The following DCC variants were observed in gnomAD, a reference collection of about 807,000 sequenced individuals.
DCC encodes the protein DCC netrin 1 receptor.
DCC carries 58 observed loss-of-function variants against 172.5 expected under a neutral mutation model. The observed-to-expected ratio is 0.34, with a 90% CI of 0.27 to 0.42. The LOEUF is 0.42. Among genes scored for constraint, DCC ranks in the 10% least tolerant of loss-of-function variants. DCC has a pLI of 1.00. For missense variants in DCC, 1,740 were observed against 1,791.0 expected, an observed-to-expected ratio of 0.97 and a Z score of 0.51; for synonymous variants, 709 against 644.5, an observed-to-expected ratio of 1.10 and a Z score of -1.52.
chr18:53,364,444 A>G (rs1479298053), intron 15 of DCC, among the ~76,000 whole-genome samples: 1 of 152,042 alleles, frequency 6.6e-6, no homozygotes, highest in Non-Finnish European at 1.5e-5. Context: ...GCAAATTTTT[A>G]TGGATTTTCT....
chr18:52,386,089 G>A (rs948408545), intron 1 of DCC, among the ~76,000 whole-genome samples: 1 of 152,042 alleles, frequency 6.6e-6, no homozygotes, highest in African/African-American at 2.4e-5. Context: ...CATAAGGTCA[G>A]AACTCAATAT....
intron 1 of DCC, among the ~76,000 whole-genome samples, chr18:52,714,387 CAA>C (rs1321532233): frequency 6.6e-6 from 1 of 152,096 alleles, no homozygotes; most frequent in Non-Finnish European, 1.5e-5. Flanking sequence ...GACAAAGCAA[CAA>C]GAGAGCAAGA....
chr18:52,896,623 G>A (rs960842702), intron 2 of DCC, among the ~76,000 whole-genome samples: 2 of 152,124 alleles, frequency 1.3e-5, no homozygotes, highest in Non-Finnish European at 2.9e-5. Flanking sequence ...CTTGTGCTCA[G>A]AATAGATATT....
chr18:53,339,201 A>G (rs1048014133), intron 14 of DCC, among the ~76,000 whole-genome samples: 10 of 152,296 alleles, frequency 6.6e-5, no homozygotes, highest in African/African-American at 2.4e-4. Flanking sequence ...GATTTAATAA[A>G]CCATGAATCA....
intron 2 of DCC, among the ~76,000 whole-genome samples, chr18:52,838,379 T>C (rs981794985): frequency 2.0e-5 from 3 of 152,182 alleles, no homozygotes; most frequent in African/African-American, 7.2e-5. Flanking sequence ...TTCTGGTGAC[T>C]AACAGATTTT....
At chr18:52,670,738 A>T (rs929720556) in intron 1 of DCC, among the ~76,000 whole-genome samples, 2 of 152,006 alleles carry the variant, frequency 1.3e-5, no homozygotes, top group Non-Finnish European at 2.9e-5. Flanking sequence ...TATTTGGGAG[A>T]CTGAGGCAGG....
At chr18:52,586,698 C>T (rs1405429431) in intron 1 of DCC, among the ~76,000 whole-genome samples, 1 of 152,076 alleles carries the variant, frequency 6.6e-6, no homozygotes, top group East Asian at 1.9e-4. Context: ...ATTCCTCGAC[C>T]CTGAATTCTG....
chr18:52,859,362 A>T (rs979032055), intron 2 of DCC, among the ~76,000 whole-genome samples: 1 of 152,210 alleles, frequency 6.6e-6, no homozygotes, highest in African/African-American at 2.4e-5. Flanking sequence ...ATTCATTGAA[A>T]AAAAGGCATA....
chr18:52,988,706 TAAG>T (rs1243045035), intron 5 of DCC, among the ~76,000 whole-genome samples: 1 of 152,124 alleles, frequency 6.6e-6, no homozygotes, highest in African/African-American at 2.4e-5. Flanking sequence ...ATCTTTCTAT[TAAG>T]AAGGAAAAAG....
chr18:52,626,052 A>G (rs2034567721), intron 1 of DCC, among the ~76,000 whole-genome samples: 1 of 152,108 alleles, frequency 6.6e-6, no homozygotes, highest in African/African-American at 2.4e-5. Context: ...TCTAAATGAT[A>G]TTCATGACAT....
chr18:52,645,262 G>T (rs1942898813), intron 1 of DCC, among the ~76,000 whole-genome samples: 1 of 152,034 alleles, frequency 6.6e-6, no homozygotes, highest in South Asian at 2.1e-4. Context: ...AAATGCAAAT[G>T]GCTTAGATTA....
chr18:52,510,197 T>C (rs2031384528), intron 1 of DCC, among the ~76,000 whole-genome samples: 1 of 152,096 alleles, frequency 6.6e-6, no homozygotes, highest in South Asian at 2.1e-4. Context: ...CAGCTTAGCT[T>C]GTCTTGTAAC....
Position 53,535,539 on chromosome 18 carries a change from T to G in DCC, c.*4886T>G, listed in dbSNP as rs1461415969. 2 of 152,358 alleles carry G rather than the reference T, an allele frequency of 1.3e-5. No individual in the cohort carries two copies. The highest frequency in any genetic ancestry group is 2.1e-4 in the South Asian group (1 of 4,828). The allele number at this position is 152,358 out of a possible 1,614,324, so 9.4% of individuals were successfully genotyped here. Reference sequence around the variant, plus strand: ...TAGTGATAAGTTTATTTGGTAGAAATGGGTATACTACAGCTTTAACTAGCC... The same window carrying G: ...TAGTGATAAGTTTATTTGGTAGAAAGGGGTATACTACAGCTTTAACTAGCC... On this transcript the variant is annotated 3_prime_UTR_variant, in exon 29 of 29. Transcript: ENST00000442544.
intron 26 of DCC, among the ~76,000 whole-genome samples, chr18:53,497,017 T>C (rs1258543606): frequency 6.6e-6 from 1 of 152,220 alleles, no homozygotes; most frequent in African/African-American, 2.4e-5. Context: ...TGTGCATTAA[T>C]TGCAATCCAT....
chr18:53,510,386 A>G (rs1272593936), intron 27 of DCC, among the ~76,000 whole-genome samples: 1 of 152,226 alleles, frequency 6.6e-6, no homozygotes, highest in Non-Finnish European at 1.5e-5. Flanking sequence ...ATCACAGAGA[A>G]TGGGAGCTAA....
chr18:52,856,618 TCC>T, intron 2 of DCC, among the ~76,000 whole-genome samples: 2 of 47,968 alleles, frequency 4.2e-5, no homozygotes. Flanking sequence ...AGAGCAAGAC[TCC>T]ATCTCAAAAA....
intron 26 of DCC, 45 bp downstream of exon 26, chr18:53,487,003 G>T (rs2045909090): frequency 6.2e-7 from 1 of 1,611,278 alleles, no homozygotes; most frequent in Admixed American, 1.7e-5. Flanking sequence ...ATGAATAATA[G>T]CAAAGGTGTC....
intron 1 of DCC, among the ~76,000 whole-genome samples, chr18:52,345,335 A>G (rs1040416059): frequency 5.3e-5 from 8 of 152,220 alleles, no homozygotes; most frequent in African/African-American, 1.9e-4. Flanking sequence ...AATAGTAAAT[A>G]CTATGCACAT....
chr18:53,006,992 C>T (rs1275115596), intron 5 of DCC, among the ~76,000 whole-genome samples: 1 of 152,114 alleles, frequency 6.6e-6, no homozygotes, highest in Non-Finnish European at 1.5e-5. Flanking sequence ...GCTTAGTAAT[C>T]ACTATAGGCT....
Sources: gnomAD v4.1 joint callset for allele counts (sites outside exome capture counted in the v4.1 genomes callset) on GRCh38, gnomAD v4.1.1 for gene constraint, MANE v1.5 for transcripts, NCBI Gene and HGNC (gene_info 2026-07-23, HGNC 2026-07-21) for gene names.